The following IL32 variants were observed in gnomAD, a reference collection of about 807,000 sequenced individuals.
The protein encoded by IL32 is interleukin 32.
IL32 carries 30 observed loss-of-function variants against 16.6 expected under a neutral mutation model. The ratio of observed to expected loss-of-function variants is 1.81; its 90% CI spans 1.35 to 2.45. The LOEUF is 2.45. Ranked by LOEUF, IL32 falls within the 30% of genes most tolerant of loss-of-function variation. The pLI, the probability that IL32 is intolerant of heterozygous loss-of-function variation, is 0.00. For missense variants in IL32, 234 were observed against 229.8 expected (o/e 1.02, Z -0.12); for synonymous variants, 70 against 86.1 (o/e 0.81, Z 1.03).
In IL32 at chr16:3,069,426, G is replaced by A; in HGVS notation, c.*71G>A. 1 of 1,502,126 alleles carries A rather than the reference G, an allele frequency of 6.7e-7. No individual in the cohort carries two copies. Among genetic ancestry groups the A allele is most frequent in the South Asian group, 1.3e-5 (1 of 76,140 alleles). 93.0% of individuals were successfully genotyped at this position (1,502,126 alleles called of 1,614,324 possible). On this transcript the variant is annotated 3_prime_UTR_variant, in exon 7 of 7. Transcript: ENST00000525643. ...CTGACCCCTCCCTCAGCTGTCCTGT[G>A]CCCCGCCCTCTCCCGCACACTCAGT...
At chr16:3,066,485 G>A (rs992643953) in intron 2 of IL32, among the ~76,000 whole-genome samples, 6 of 152,112 alleles carry the variant, frequency 3.9e-5, no homozygotes, top group Admixed American at 3.3e-4. Context: ...CAGGCCCTGC[G>A]CACTCTGTGG....
chr16:3,066,506 C>T (rs1009508437), intron 2 of IL32, among the ~76,000 whole-genome samples: 1 of 152,114 alleles, frequency 6.6e-6, no homozygotes, highest in South Asian at 2.1e-4. Flanking sequence ...GTGACTGTCA[C>T]CACTCTATAG....
intron 6 of IL32, chr16:3,068,584 T>C (rs1956701440): frequency 4.9e-6 from 2 of 410,014 alleles, no homozygotes; most frequent in South Asian, 2.2e-5. Context: ...GTGCTGAGAT[T>C]ACAGGCATGA....
intron 2 of IL32, 106 bp from the exon 3 acceptor site, chr16:3,067,271 C>CTG (rs60859102): frequency 0.013 from 8,061 of 602,616 alleles, 57 homozygotes; most frequent in African/African-American, 0.043. Flanking sequence ...CCATGTGTCT[C>CTG]TGTGTGTGTG....
At position 3,068,210 on chromosome 16, in the gene IL32, G is replaced by C; in HGVS notation, c.172G>C (p.Val58Leu). ...CTTCAAAGAGGGCTACCTGGAGACA[G>C]TGGCGGCTTATTATGAGGAGCAGCA... Reference protein sequence around the residue: ...DDFKEGYLETVAAYYEEQHPE... With the variant: ...DDFKEGYLETLAAYYEEQHPE... Residue 58 changes from valine to leucine, a missense_variant, in exon 6 of 7, where the codon GTG (valine) becomes CTG (leucine). Val to Leu is a conservative substitution (Grantham distance 32). Coordinates refer to ENST00000525643, the MANE Select transcript of IL32 (RefSeq NM_001376923.1). 2 of 1,602,082 alleles carry C rather than the reference G, an allele frequency of 1.2e-6. No individual in the cohort carries two copies. Among genetic ancestry groups the C allele is most frequent in the South Asian group, 1.1e-5 (1 of 89,228 alleles).
Position 3,068,161 on chromosome 16 carries a change from T to C in IL32, c.142-19T>C, listed in dbSNP as rs765731790. The C allele has an allele frequency of 1.9e-6, 3 of 1,604,062 alleles. No homozygotes were observed. The highest frequency in any genetic ancestry group is 3.4e-5 in the Admixed American group (2 of 58,298). ...GCAGGCAGGAGCAGCATGAACCCCC[T>C]GTGCCCTCCTCTCCCCAGGACGACT... On this transcript the variant is annotated intron_variant, in intron 5 of 6. Coordinates refer to ENST00000525643, the MANE Select transcript of IL32 (RefSeq NM_001376923.1).
At chr16:3,066,243 C>T (rs186740434) in intron 2 of IL32, among the ~76,000 whole-genome samples, 36 of 152,246 alleles carry the variant, frequency 2.4e-4, no homozygotes, top group Non-Finnish European at 5.0e-4. Context: ...ACCACTGCCC[C>T]ACCGCAAATG....
At chr16:3,065,541 C>G, upstream of IL32, 1 of 585,642 alleles carries the variant, frequency 1.7e-6, no homozygotes, top group Admixed American at 3.0e-5. Flanking sequence ...CTGTCTCTGT[C>G]TGTTTTTCAC....
At position 3,065,730 on chromosome 16, in the gene IL32, G is replaced by A. The variant is rs1312696112; in HGVS notation, c.-29+43G>A. On this transcript the variant is annotated intron_variant, in intron 1 of 6. Transcript: ENST00000525643. The stretch of plus-strand genomic sequence containing the variant: ...CCGAAGGTGAGGACCCTCTGGGGAG[G>A]AGGGTGCTTCTCTGAGACACTTTCT... The A allele has an allele frequency of 4.5e-6, 7 of 1,546,614 alleles. No homozygotes were observed. In the African/African-American group the frequency reaches 6.8e-5, roughly 15 times the overall value.
Position 3,069,393 on chromosome 16 carries a change from C to T in IL32, c.*38C>T. On this transcript the variant is annotated 3_prime_UTR_variant, in exon 7 of 7. Transcript: ENST00000525643. ...CACCTTTGCCCTCCCCGTCACCGCG[C>T]ACCCACCCTGACCCCTCCCTCAGCT... The T allele has an allele frequency of 6.4e-7, 1 of 1,553,464 alleles. No individual in the cohort carries two copies. The highest frequency in any genetic ancestry group is 8.7e-7 in the Non-Finnish European group (1 of 1,148,746).
chr16:3,067,672 C>T (rs1224511485), intron 4 of IL32, 59 bp downstream of exon 4: 2 of 1,266,668 alleles, frequency 1.6e-6, no homozygotes, highest in South Asian at 2.4e-5. Context: ...GCACTCCACC[C>T]TGTGTGGGGC....
Position 3,067,600 on chromosome 16 carries a change from C to G in IL32, c.101C>G (p.Ser34Ter). Reference sequence around the variant, plus strand: ...TATGATAAAATGCAAAATGCAGAATCAGGACGTGGACAGGTGGGTGGATTT... The same window carrying G: ...TATGATAAAATGCAAAATGCAGAATGAGGACGTGGACAGGTGGGTGGATTT... ...RFYDKMQNAE[S>*]GRGQVMSSLA... The change falls in exon 4 of 7, where the codon TCA becomes TGA. Residue 34 changes from serine (S) to a stop codon, truncating the protein, a stop_gained. Coordinates refer to ENST00000525643, the MANE Select transcript of IL32 (RefSeq NM_001376923.1). LOFTEE classifies it high-confidence loss of function. 1.2e-6 allele frequency: 2 copies of G among 1,612,620 alleles called. No homozygotes were observed. The highest frequency in any genetic ancestry group is 1.1e-5 in the South Asian group (1 of 91,052).
intron 2 of IL32, among the ~76,000 whole-genome samples, chr16:3,066,918 G>A (rs927291037): frequency 2.7e-5 from 4 of 149,152 alleles, no homozygotes; most frequent in Admixed American, 1.3e-4. Flanking sequence ...CCCGGCCCAC[G>A]CAGGCCCTGC....
chr16:3,066,668 G>A (rs904769063), intron 2 of IL32, among the ~76,000 whole-genome samples: 2 of 152,180 alleles, frequency 1.3e-5, no homozygotes, highest in African/African-American at 2.4e-5. Flanking sequence ...GTTGGCAGTC[G>A]GGAAGAGTGG....
intron 4 of IL32, 138 bp downstream of exon 4, chr16:3,067,751 C>T (rs193044516): frequency 1.2e-6 from 1 of 865,982 alleles, no homozygotes; most frequent in East Asian, 2.5e-5. Flanking sequence ...ATGCTTGCAC[C>T]TGGGTGGCAG....
At chr16:3,066,453 T>A (rs567315892) in intron 2 of IL32, among the ~76,000 whole-genome samples, 1 of 152,330 alleles carries the variant, frequency 6.6e-6, no homozygotes, top group African/African-American at 2.4e-5. Flanking sequence ...TGCAGACAGC[T>A]GCCCTGCCCA....
At position 3,067,535 on chromosome 16, in the gene IL32, A is replaced by C. The variant is rs763748487; in HGVS notation, c.55-19A>C. 8.1e-6 allele frequency: 13 copies of C among 1,613,900 alleles called. No homozygotes were observed. The highest frequency in any genetic ancestry group is 7.6e-6 in the Non-Finnish European group (9 of 1,179,958). On this transcript the variant is annotated intron_variant, in intron 3 of 6. Coordinates refer to ENST00000525643, the MANE Select transcript of IL32 (RefSeq NM_001376923.1). ...ACAAGGATCCGGCCCTTTGGTGCCA[A>C]CTCTGCCTCTCTTCACAGCACCAGG...
chr16:3,067,298 TG>T, intron 2 of IL32, 78 bp from the exon 3 acceptor site: 1 of 723,564 alleles, frequency 1.4e-6, no homozygotes. Context: ...TGTGTGTGTG[TG>T]TGTGTGTGTG....
chr16:3,067,973 G>C lies in IL32; in HGVS notation c.115-11G>C, dbSNP rs371905188. 1.3e-4 allele frequency: 203 copies of C among 1,614,000 alleles called. No individual in the cohort carries two copies. Among genetic ancestry groups the C allele is most frequent in the Middle Eastern group, 6.6e-4 (4 of 6,084 alleles). ...GCTTGGGCCTGGAACCGAGTGCTTT[G>C]TTCCTAACAGGTGATGTCGAGCCTG... On this transcript the variant is annotated splice_polypyrimidine_tract_variant and intron_variant, in intron 4 of 6. Coordinates refer to ENST00000525643, the MANE Select transcript of IL32 (RefSeq NM_001376923.1).
Sources: gnomAD v4.1 joint callset for allele counts (sites outside exome capture counted in the v4.1 genomes callset) on GRCh38, gnomAD v4.1.1 for gene constraint, MANE v1.5 for transcripts, NCBI Gene and HGNC (gene_info 2026-07-23, HGNC 2026-07-21) for gene names.